Variants in WDPCP observed in about 807,000 individuals in gnomAD.
WDPCP encodes the protein WD repeat containing planar cell polarity effector.
A neutral mutation model predicts 93.1 loss-of-function variants in WDPCP; 71 were observed. The observed-to-expected ratio is 0.76, with a 90% confidence interval of 0.63 to 0.93. WDPCP has a LOEUF of 0.93. Among genes scored for constraint, WDPCP ranks in the 40% least tolerant of loss-of-function variants. The pLI, the probability that WDPCP is intolerant of heterozygous loss-of-function variation, is 0.00. For missense variants in WDPCP, 844 were observed against 887.4 expected (o/e 0.95, Z 0.62); for synonymous variants, 315 against 315.0 (o/e 1.00, Z 0.00).
chr2:63,556,911 C>A (rs903061501), intron 1 of WDPCP, among the ~76,000 whole-genome samples: 1 of 151,790 alleles, frequency 6.6e-6, no homozygotes, highest in African/African-American at 2.4e-5. Flanking sequence ...TCATATCCAG[C>A]CAAACTAAGC....
chr2:63,682,634 A>G (rs1262240119), intron 2 of WDPCP, among the ~76,000 whole-genome samples: 1 of 152,178 alleles, frequency 6.6e-6, no homozygotes, highest in Non-Finnish European at 1.5e-5. Flanking sequence ...CAAATGGATA[A>G]TAACAGAGAA....
chr2:63,644,029 CT>C, intron 3 of WDPCP: 1 of 432,116 alleles, frequency 2.3e-6, no homozygotes. Context: ...TCAGATGCTT[CT>C]TAGGACCAAA....
At chr2:63,704,250 G>A (rs1043995812) in intron 2 of WDPCP, among the ~76,000 whole-genome samples, 5 of 152,158 alleles carry the variant, frequency 3.3e-5, no homozygotes, top group African/African-American at 1.2e-4. Context: ...TGCAAACAGG[G>A]ACAATTTGAC....
At chr2:63,521,002 C>A (rs1356340656) in intron 1 of WDPCP, among the ~76,000 whole-genome samples, 1 of 151,834 alleles carries the variant, frequency 6.6e-6, no homozygotes, top group Non-Finnish European at 1.5e-5. Context: ...CAAGCAAACT[C>A]TAAGGGAATT....
intron 17 of WDPCP, among the ~76,000 whole-genome samples, chr2:63,138,840 TC>T (rs1354187424): frequency 6.6e-6 from 1 of 152,090 alleles, no homozygotes; most frequent in Non-Finnish European, 1.5e-5. Flanking sequence ...TACTCTTTTA[TC>T]CCTCACCCCC....
intron 12 of WDPCP, among the ~76,000 whole-genome samples, chr2:63,334,985 A>G (rs1346537098): frequency 6.6e-6 from 1 of 152,202 alleles, no homozygotes; most frequent in Admixed American, 6.5e-5. Flanking sequence ...GACAAAGGAC[A>G]TAACTCAAAG....
intron 2 of WDPCP, among the ~76,000 whole-genome samples, chr2:63,705,830 G>C (rs1278842877): frequency 6.6e-6 from 1 of 151,228 alleles, no homozygotes; most frequent in Non-Finnish European, 1.5e-5. Context: ...GTGCAGAGCT[G>C]AGTTCAATTC....
intron 1 of WDPCP, among the ~76,000 whole-genome samples, chr2:63,494,639 G>A (rs941164859): frequency 1.3e-5 from 2 of 151,482 alleles, no homozygotes; most frequent in African/African-American, 2.4e-5. Flanking sequence ...GGCATGACCC[G>A]GCCAGGCGCG....
chr2:63,314,253 A>T (rs1466894295), intron 12 of WDPCP, among the ~76,000 whole-genome samples: 1 of 150,350 alleles, frequency 6.7e-6, no homozygotes, highest in Non-Finnish European at 1.5e-5. Context: ...CATCGCCTTG[A>T]CCTCCTGGGC....
intron 2 of WDPCP, among the ~76,000 whole-genome samples, chr2:63,689,347 GA>G (rs765076814): frequency 3.4e-4 from 51 of 152,164 alleles, no homozygotes; most frequent in Non-Finnish European, 5.6e-4. Context: ...TCTAACTTCA[GA>G]AAAGAAACTA....
chr2:63,573,286 T>C (rs957739419), intron 1 of WDPCP, among the ~76,000 whole-genome samples: 1 of 151,770 alleles, frequency 6.6e-6, no homozygotes, highest in Non-Finnish European at 1.5e-5. Flanking sequence ...TTCCTTTATA[T>C]AACTGGCTCC....
chr2:63,595,447 A>G (rs1055486594), intron 3 of WDPCP: 2 of 1,612,178 alleles, frequency 1.2e-6, no homozygotes, highest in Non-Finnish European at 1.7e-6. Flanking sequence ...GCTGTTGGAT[A>G]TCACCCCCAT....
intron 1 of WDPCP, among the ~76,000 whole-genome samples, chr2:63,571,887 T>A (rs973470680): frequency 6.6e-5 from 10 of 152,340 alleles, no homozygotes; most frequent in Non-Finnish European, 1.5e-4. Flanking sequence ...ATATTTTATA[T>A]ATATTTTACT....
intron 3 of WDPCP, among the ~76,000 whole-genome samples, chr2:63,627,175 G>T (rs1365673722): frequency 4.6e-5 from 7 of 152,104 alleles, no homozygotes; most frequent in Non-Finnish European, 8.8e-5. Context: ...TAACAGGATT[G>T]CTAGAACACA....
chr2:63,674,719 A>C (rs1710384182), intron 2 of WDPCP, among the ~76,000 whole-genome samples: 1 of 14,276 alleles, frequency 7.0e-5, no homozygotes. Flanking sequence ...TGACGCTACA[A>C]AAAAAAAAAA....
intron 3 of WDPCP, chr2:63,622,501 G>A (rs1467934974): frequency 9.3e-6 from 15 of 1,613,784 alleles, no homozygotes; most frequent in South Asian, 2.2e-5. Context: ...TAAACACATC[G>A]TTCCTCCACC....
At chr2:63,792,924 A>T (rs2104007455) in intron 2 of WDPCP, among the ~76,000 whole-genome samples, 1 of 152,302 alleles carries the variant, frequency 6.6e-6, no homozygotes, top group Non-Finnish European at 1.5e-5. Flanking sequence ...AGTGTAAAAA[A>T]AAAAAGGCAG....
intron 2 of WDPCP, among the ~76,000 whole-genome samples, chr2:63,799,529 G>A (rs891225975): frequency 1.3e-5 from 2 of 152,122 alleles, no homozygotes; most frequent in Admixed American, 6.5e-5. Flanking sequence ...TCAATGGTTT[G>A]TACCAACATC....
At chr2:63,392,832 A>G (rs1693387672) in intron 10 of WDPCP, among the ~76,000 whole-genome samples, 2 of 152,242 alleles carry the variant, frequency 1.3e-5, no homozygotes, top group African/African-American at 4.8e-5. Flanking sequence ...CAAAACCACA[A>G]TGAGATACCA....
Sources: gnomAD v4.1 joint callset for allele counts (sites outside exome capture counted in the v4.1 genomes callset) on GRCh38, gnomAD v4.1.1 for gene constraint, MANE v1.5 for transcripts, NCBI Gene and HGNC (gene_info 2026-07-23, HGNC 2026-07-21) for gene names.